Variants in DENND6B observed in about 807,000 individuals in gnomAD.
The protein encoded by DENND6B is protein DENND6B.
A neutral mutation model predicts 85.1 loss-of-function variants in DENND6B; 73 were observed. That is an observed-to-expected ratio of 0.86 (90% CI 0.71 to 1.04). The LOEUF is 1.04. DENND6B is among the 50% of genes least tolerant of loss of function. The pLI is 0.00. For missense variants in DENND6B, 715 were observed against 785.8 expected (o/e 0.91, Z 1.08); for synonymous variants, 357 against 329.3 (o/e 1.08, Z -0.91).
At chr22:50,315,206 TCTG>T in intron 9 of DENND6B, 1 of 446,764 alleles carries the variant, frequency 2.2e-6, no homozygotes, top group Non-Finnish European at 4.1e-6. Flanking sequence ...CGGGGCAGGG[TCTG>T]CTGACCTGGG....
chr22:50,321,682 T>TA (rs1347556832), intron 1 of DENND6B, among the ~76,000 whole-genome samples: 34 of 152,078 alleles, frequency 2.2e-4, no homozygotes, highest in Admixed American at 2.2e-3. Context: ...TCAAAAATGT[T>TA]TTTTAAGACA....
chr22:50,313,980 G>GC, intron 13 of DENND6B, 102 bp from the exon 14 acceptor site: 2 of 1,417,142 alleles, frequency 1.4e-6, no homozygotes, highest in South Asian at 1.4e-5. Context: ...TCTGCCTGCA[G>GC]CCCCATGCCC....
At chr22:50,319,052 G>A (rs568203076) in intron 1 of DENND6B, 49 bp from the exon 2 acceptor site, 70 of 1,557,320 alleles carry the variant, frequency 4.5e-5, no homozygotes, top group Admixed American at 1.3e-4. Flanking sequence ...CCGAGGAGGC[G>A]ACACCCCTCG....
chr22:50,322,852 ATT>A (rs374958143), intron 1 of DENND6B, among the ~76,000 whole-genome samples: 2 of 140,812 alleles, frequency 1.4e-5, no homozygotes, highest in Non-Finnish European at 1.5e-5. Flanking sequence ...GCCCAGCCTT[ATT>A]TTTTTTTTTT....
chr22:50,314,662 G>C lies in DENND6B; in HGVS notation c.920C>G (p.Pro307Arg), dbSNP rs747638587. ...QPLRFCCDFRPYFTIHDSEFK... is the reference protein window; with the variant it reads ...QPLRFCCDFRRYFTIHDSEFK... ...CTCGCTGTCATGGATGGTGAAGTAG[G>C]GACGGAAGTCGCAGCAGAACCTGAG... The change falls in exon 11 of 20, where the codon CCC (proline) becomes CGC (arginine). Residue 307 changes from proline (P) to arginine (R), a missense_variant. Pro to Arg is a moderately radical substitution (Grantham distance 103). Coordinates refer to ENST00000413817, the MANE Select transcript of DENND6B (RefSeq NM_001001794.4). The C allele has an allele frequency of 7.0e-6, 11 of 1,567,128 alleles. No individual in the cohort carries two copies. The highest frequency in any genetic ancestry group is 9.5e-6 in the Non-Finnish European group (11 of 1,156,628).
chr22:50,315,226 G>T, intron 9 of DENND6B: 1 of 423,102 alleles, frequency 2.4e-6, no homozygotes, highest in South Asian at 2.4e-5. Flanking sequence ...TGGGCTGGGG[G>T]GTACCCGCCC....
Position 50,311,765 on chromosome 22 carries a change from G to T in DENND6B, c.*374C>A, listed in dbSNP as rs575774940. Reference sequence around the variant, plus strand: ...TCCTGGGCAGCCTGTTGGGCTGAGGGAAGCATCACACACAGCGCAGGGGGG... The same window carrying T: ...TCCTGGGCAGCCTGTTGGGCTGAGGTAAGCATCACACACAGCGCAGGGGGG... On this transcript the variant is annotated 3_prime_UTR_variant, in exon 20 of 20. Transcript: ENST00000413817. 7 of 250,980 alleles carry T rather than the reference G, an allele frequency of 2.8e-5. 1 individual carries two copies. Among genetic ancestry groups the T allele is most frequent in the African/African-American group, 1.3e-4 (6 of 44,730 alleles). The allele number at this position is 250,980 out of a possible 1,614,324, so 15.5% of individuals were successfully genotyped here.
At chr22:50,314,359 G>C (rs1220349576) in intron 12 of DENND6B, 41 bp downstream of exon 12, 3 of 1,572,330 alleles carry the variant, frequency 1.9e-6, no homozygotes, top group Admixed American at 1.9e-5. Context: ...ACTCAACGAG[G>C]CTTCTGAGCA....
chr22:50,315,944 T>C, intron 8 of DENND6B, 81 bp downstream of exon 8: 1 of 1,602,138 alleles, frequency 6.2e-7, no homozygotes, highest in Non-Finnish European at 8.5e-7. Flanking sequence ...AGGAAGCAGG[T>C]GTGGGACCAC....
Position 50,318,002 on chromosome 22 carries a change from T to C in DENND6B, c.278A>G (p.Gln93Arg), listed in dbSNP as rs760470311. ...DSHSGCLGDTQFSFRMRQCGG... is the reference protein window; with the variant it reads ...DSHSGCLGDTRFSFRMRQCGG... The stretch of plus-strand genomic sequence containing the variant: ...ACACTGGCGCATGCGGAAGCTGAAC[T>C]GAGTGTCTCCAAGGCAGCCTAAGAA... Residue 93 changes from glutamine to arginine, a missense_variant, in exon 4 of 20, where the codon CAG becomes CGG. Gln to Arg is a conservative substitution (Grantham distance 43). Coordinates refer to ENST00000413817, the MANE Select transcript of DENND6B (RefSeq NM_001001794.4). 1.2e-6 allele frequency: 2 copies of C among 1,612,432 alleles called. No homozygotes were observed. Among genetic ancestry groups the C allele is most frequent in the Non-Finnish European group, 1.7e-6 (2 of 1,179,644 alleles).
At chr22:50,319,367 G>A (rs2041968052) in intron 1 of DENND6B, 1 of 985,326 alleles carries the variant, frequency 1.0e-6, no homozygotes, top group Non-Finnish European at 1.2e-6. Flanking sequence ...CTCTCAGTAA[G>A]AGGCCAGCAC....
At position 50,314,241 on chromosome 22, in the gene DENND6B, C is replaced by G. The variant is rs764973258; in HGVS notation, c.1104G>C (p.Lys368Asn). Reference protein sequence around the residue: ...GDLPKQVKLKKPSRLKTLDTK... With the variant: ...GDLPKQVKLKNPSRLKTLDTK... Reference sequence around the variant, plus strand: ...TGTCCAGGGTCTTCAACCTTGAAGGCTTTTTCAGCTTGACTTGCTTAGGCA... The same window carrying G: ...TGTCCAGGGTCTTCAACCTTGAAGGGTTTTTCAGCTTGACTTGCTTAGGCA... Residue 368 changes from lysine (K) to asparagine (N), a missense_variant, in exon 13 of 20, where the codon AAG becomes AAC. Transcript: ENST00000413817. 1 of 1,609,374 alleles carries G rather than the reference C, an allele frequency of 6.2e-7. No homozygotes were observed.
At chr22:50,313,526 C>A in intron 15 of DENND6B, 27 bp from the exon 16 acceptor site, 2 of 1,539,574 alleles carry the variant, frequency 1.3e-6, no homozygotes, top group Non-Finnish European at 8.8e-7. Context: ...GGGGAGTGAG[C>A]CCGGGGACCC....
intron 11 of DENND6B, 21 bp downstream of exon 11, chr22:50,314,584 C>G: frequency 6.4e-7 from 1 of 1,556,882 alleles, no homozygotes; most frequent in Non-Finnish European, 8.7e-7. Flanking sequence ...GGGCAAGAGG[C>G]GGGGCAGAGG....
Position 50,314,475 on chromosome 22 carries a change from C to T in DENND6B, c.997G>A (p.Val333Ile). The T allele has an allele frequency of 6.4e-7, 1 of 1,561,578 alleles. No individual in the cohort carries two copies. The highest frequency in any genetic ancestry group is 8.7e-7 in the Non-Finnish European group (1 of 1,152,060). The change falls in exon 12 of 20, where the codon GTC becomes ATC. Residue 333 changes from valine to isoleucine, a missense_variant. Coordinates refer to ENST00000413817, the MANE Select transcript of DENND6B (RefSeq NM_001001794.4). ...GTTTTGATAAAGAAAGGGTTTGTGA[C>T]TCCCAGGACCACGTTTGGTCTAGAC... ...TQAPPNVVLG[V>I]TNPFFIKTLQ...
chr22:50,321,680 GTT>G (rs2042049464), intron 1 of DENND6B, among the ~76,000 whole-genome samples: 1 of 151,338 alleles, frequency 6.6e-6, no homozygotes, highest in Non-Finnish European at 1.5e-5. Flanking sequence ...TCTCAAAAAT[GTT>G]TTTTAAGACA....
rs762475587 is a variant in DENND6B at position 50,318,862 on chromosome 22, GAA to G, written c.242_243del (p.Phe81SerfsTer97). On this transcript the variant is annotated frameshift_variant, in exon 3 of 20. Coordinates refer to ENST00000413817, the MANE Select transcript of DENND6B (RefSeq NM_001001794.4). LOFTEE classifies it high-confidence loss of function. ...KEKSSICYLS[F>X]PDSHSGCLGD... Reference sequence around the variant, plus strand: ...GGTTGCCTACCTGAGTGCGAGTCGGGAAAAGACAGGTAGCAGATGCTGCTTTT... The same window carrying G: ...GGTTGCCTACCTGAGTGCGAGTCGGGAAGACAGGTAGCAGATGCTGCTTTT... 1 of 1,613,412 alleles carries G rather than the reference GAA, an allele frequency of 6.2e-7. No individual in the cohort carries two copies. The highest frequency in any genetic ancestry group is 8.5e-7 in the Non-Finnish European group (1 of 1,179,742).
At chr22:50,317,800 C>A (rs2041903971) in intron 4 of DENND6B, 108 bp downstream of exon 4, 4 of 1,163,434 alleles carry the variant, frequency 3.4e-6, no homozygotes, top group East Asian at 2.6e-5. Context: ...TCCTCTCCTG[C>A]CACACAGGGC....
At position 50,315,635 on chromosome 22, in the gene DENND6B, G is replaced by C. The variant is rs567594868; in HGVS notation, c.758+79C>G. ...ACACGCACACACATACTCACACACA[G>C]ATGCACACATGCACGTACATGCACG... On this transcript the variant is annotated intron_variant, in intron 9 of 19. Transcript: ENST00000413817. 5.8e-5 allele frequency: 85 copies of C among 1,460,906 alleles called. No homozygotes were observed. In the East Asian group the frequency reaches 1.5e-3, roughly 26 times the overall value. The allele number at this position is 1,460,906 out of a possible 1,614,324, so 90.5% of individuals were successfully genotyped here.
Sources: allele counts gnomAD v4.1 joint callset (sites outside exome capture counted in the v4.1 genomes callset), GRCh38; gene constraint gnomAD v4.1.1; transcripts MANE v1.5; gene names NCBI Gene and HGNC (gene_info 2026-07-23, HGNC 2026-07-21).